The following GREB1L variants were observed in gnomAD, a reference collection of about 807,000 sequenced individuals.
GREB1L encodes GREB1 like retinoic acid receptor coactivator.
A neutral mutation model predicts 200.8 loss-of-function variants in GREB1L; 17 were observed. That is an observed-to-expected ratio of 0.08 (90% CI 0.06 to 0.13). The LOEUF (loss-of-function observed/expected upper bound fraction) is 0.13. GREB1L is among the 10% of genes least tolerant of loss of function. The pLI, the probability that GREB1L is intolerant of heterozygous loss-of-function variation, is 1.00. For synonymous variants in GREB1L, 789 were observed against 893.0 expected, an observed-to-expected ratio of 0.88 and a Z score of 2.08; for missense variants, 1,657 against 2,367.7, an observed-to-expected ratio of 0.70 and a Z score of 6.23.
At chr18:21,405,922 A>G (rs1269360641) in intron 7 of GREB1L, among the ~76,000 whole-genome samples, 2 of 152,104 alleles carry the variant, frequency 1.3e-5, no homozygotes, top group Non-Finnish European at 2.9e-5. Context: ...CCTTGAGCTC[A>G]GGAGTTTGAG....
intron 1 of GREB1L, among the ~76,000 whole-genome samples, chr18:21,290,574 G>C (rs1264172161): frequency 1.3e-5 from 2 of 152,146 alleles, no homozygotes; most frequent in Admixed American, 1.3e-4. Flanking sequence ...TATAATCCCA[G>C]CATTTTGAGA....
chr18:21,339,169 A>C (rs1410982467), intron 1 of GREB1L, among the ~76,000 whole-genome samples: 3 of 152,030 alleles, frequency 2.0e-5, no homozygotes, highest in Middle Eastern at 3.2e-3. Flanking sequence ...CCTGGGTGAC[A>C]GAGCCAGACT....
At chr18:21,343,302 C>CT (rs759586000) in intron 1 of GREB1L, among the ~76,000 whole-genome samples, 2 of 152,130 alleles carry the variant, frequency 1.3e-5, no homozygotes, top group African/African-American at 2.4e-5. Flanking sequence ...AATGTCTTGC[C>CT]TAGCTGTCAA....
intron 25 of GREB1L, 34 bp from the exon 26 acceptor site, chr18:21,508,083 CT>C: frequency 6.5e-7 from 1 of 1,545,784 alleles, no homozygotes; most frequent in South Asian, 1.2e-5. Context: ...TGTGGGCTTA[CT>C]TACGTTCCCT....
chr18:21,306,856 C>G (rs1332532527), intron 1 of GREB1L, among the ~76,000 whole-genome samples: 2 of 152,162 alleles, frequency 1.3e-5, no homozygotes, highest in East Asian at 3.9e-4. Context: ...AGATCTTTTT[C>G]TTTCCCTTGC....
chr18:21,446,872 T>A (rs921747515), intron 11 of GREB1L, among the ~76,000 whole-genome samples: 8 of 152,218 alleles, frequency 5.3e-5, no homozygotes, highest in African/African-American at 1.7e-4. Context: ...CAGTCACTTT[T>A]AAAAAATCTC....
At chr18:21,518,634 G>A (rs1291813422) in intron 31 of GREB1L, among the ~76,000 whole-genome samples, 3 of 152,178 alleles carry the variant, frequency 2.0e-5, no homozygotes, top group Non-Finnish European at 4.4e-5. Context: ...ATAAAAGTGT[G>A]AGTTCTTCAA....
chr18:21,261,400 T>G (rs9961131), intron 1 of GREB1L, among the ~76,000 whole-genome samples: 116 of 152,226 alleles, frequency 7.6e-4, no homozygotes, highest in African/African-American at 2.7e-3. Context: ...TTGTTGGGAT[T>G]GTGTCAGCTA....
chr18:21,432,527 G>A (rs1401319360), intron 7 of GREB1L, among the ~76,000 whole-genome samples: 1 of 150,482 alleles, frequency 6.6e-6, no homozygotes, highest in African/African-American at 2.4e-5. Flanking sequence ...TTTTTCCTAT[G>A]TACATAATTG....
intron 1 of GREB1L, among the ~76,000 whole-genome samples, chr18:21,336,402 C>T (rs1478715688): frequency 1.3e-5 from 2 of 152,018 alleles, no homozygotes; most frequent in Non-Finnish European, 2.9e-5. Flanking sequence ...AAGTGACCTG[C>T]GTAGCTGCCA....
intron 4 of GREB1L, among the ~76,000 whole-genome samples, chr18:21,387,081 G>T (rs918701443): frequency 3.3e-5 from 5 of 152,190 alleles, no homozygotes; most frequent in African/African-American, 1.2e-4. Context: ...AATTTTGGTT[G>T]CTAATTTCTT....
intron 7 of GREB1L, among the ~76,000 whole-genome samples, chr18:21,417,366 G>GC (rs2031738127): frequency 6.6e-6 from 1 of 151,804 alleles, no homozygotes; most frequent in South Asian, 2.1e-4. Context: ...TACTAAAAAT[G>GC]CAAAAAAAAT....
chr18:21,444,567 C>G (rs1391480224), intron 11 of GREB1L, among the ~76,000 whole-genome samples, 158 bp downstream of exon 11: 1 of 152,090 alleles, frequency 6.6e-6, no homozygotes, highest in Admixed American at 6.5e-5. Flanking sequence ...TAACTTTTCC[C>G]TTTCCTCTCC....
chr18:21,244,835 TCTC>T (rs2037570084), intron 1 of GREB1L, among the ~76,000 whole-genome samples: 1 of 152,140 alleles, frequency 6.6e-6, no homozygotes, highest in Admixed American at 6.6e-5. Flanking sequence ...GAGAGTGAAT[TCTC>T]CTCGCAGCCC....
chr18:21,386,448 G>A (rs1170630477), intron 4 of GREB1L, among the ~76,000 whole-genome samples: 5 of 152,160 alleles, frequency 3.3e-5, no homozygotes, highest in South Asian at 4.1e-4. Flanking sequence ...CCGCCACCAC[G>A]CCTGGCTAAT....
At chr18:21,405,909 A>G (rs1448405252) in intron 7 of GREB1L, among the ~76,000 whole-genome samples, 5 of 152,060 alleles carry the variant, frequency 3.3e-5, no homozygotes, top group African/African-American at 9.7e-5. Context: ...AGGCATGTGG[A>G]TCCCTTGAGC....
At chr18:21,423,316 A>G (rs1447174383) in intron 7 of GREB1L, among the ~76,000 whole-genome samples, 1 of 151,776 alleles carries the variant, frequency 6.6e-6, no homozygotes. Context: ...TTTCCTATAA[A>G]CTCTAAGTTC....
At chr18:21,340,096 T>A (rs1216879072) in intron 1 of GREB1L, among the ~76,000 whole-genome samples, 2 of 152,216 alleles carry the variant, frequency 1.3e-5, no homozygotes, top group African/African-American at 4.8e-5. Flanking sequence ...GTGGTCCCAC[T>A]ACCACAACCC....
At chr18:21,333,286 A>G (rs1410641587) in intron 1 of GREB1L, among the ~76,000 whole-genome samples, 3 of 152,168 alleles carry the variant, frequency 2.0e-5, no homozygotes, top group Admixed American at 2.0e-4. Context: ...TTGTATAGTG[A>G]TAGTGATACA....
Sources: gnomAD v4.1 joint callset for allele counts (sites outside exome capture counted in the v4.1 genomes callset) on GRCh38, gnomAD v4.1.1 for gene constraint, MANE v1.5 for transcripts, NCBI Gene and HGNC (gene_info 2026-07-23, HGNC 2026-07-21) for gene names.